The following NTM variants were observed in gnomAD, a reference collection of about 807,000 sequenced individuals.
NTM encodes the protein neurotrimin.
In NTM, 13 loss-of-function variants were observed where a neutral mutation model predicts 42.1. The observed-to-expected ratio is 0.31, with a 90% CI of 0.20 to 0.49. NTM has a LOEUF of 0.49. Among genes scored for constraint, NTM ranks in the 20% least tolerant of loss-of-function variants. NTM has a pLI of 0.99. For synonymous variants in NTM, 187 were observed against 179.2 expected, an observed-to-expected ratio of 1.04 and a Z score of -0.35; for missense variants, 373 against 452.8, an observed-to-expected ratio of 0.82 and a Z score of 1.60.
At chr11:131,918,896 T>C (rs2056816620) in intron 2 of NTM, among the ~76,000 whole-genome samples, 1 of 152,244 alleles carries the variant, frequency 6.6e-6, no homozygotes, top group Non-Finnish European at 1.5e-5. Flanking sequence ...AAGACTCTTA[T>C]TCCAGGTTCT....
In NTM at chr11:131,873,613, GTA is replaced by G. The variant is rs773783694; in HGVS notation, c.83-37942_83-37941del. Among the ~76,000 whole-genome samples, 38 of 34,962 alleles carry G rather than the reference GTA, an allele frequency of 1.1e-3. 2 individuals are homozygous for G. The East Asian group carries it at 0.02, about 19-fold the overall frequency. 22.9% of individuals were successfully genotyped at this position (34,962 alleles called of 152,430 possible). Reference sequence around the variant, plus strand: ...GTATATATATACATATATATATACCGTATATATATACATATATATATACACAT... The same window carrying G: ...GTATATATATACATATATATATACCGTATATATACATATATATATACACAT... On this transcript the variant is annotated intron_variant, in intron 1 of 8. Coordinates refer to ENST00000683400, the MANE Select transcript of NTM (RefSeq NM_001352005.2).
At chr11:131,966,733 C>A (rs1399702495) in intron 2 of NTM, among the ~76,000 whole-genome samples, 1 of 152,098 alleles carries the variant, frequency 6.6e-6, no homozygotes, top group Non-Finnish European at 1.5e-5. Flanking sequence ...GTCTCAGGGA[C>A]CCTCTCACCA....
chr11:132,217,324 A>C (rs1413984546), intron 4 of NTM, among the ~76,000 whole-genome samples: 1 of 140,760 alleles, frequency 7.1e-6, no homozygotes, highest in Non-Finnish European at 1.5e-5. Flanking sequence ...ATTCAGTTCC[A>C]CTCTTGTGCC....
At chr11:132,255,555 C>G (rs998365928) in intron 4 of NTM, among the ~76,000 whole-genome samples, 3 of 152,228 alleles carry the variant, frequency 2.0e-5, no homozygotes, top group Non-Finnish European at 4.4e-5. Context: ...TCTCAATTCA[C>G]CTTTCAGAAT....
At chr11:131,816,788 C>T (rs910481722) in intron 1 of NTM, among the ~76,000 whole-genome samples, 4 of 152,074 alleles carry the variant, frequency 2.6e-5, no homozygotes, top group African/African-American at 9.7e-5. Context: ...ATTTGAGCCT[C>T]CTTTCAGCTT....
intron 1 of NTM, among the ~76,000 whole-genome samples, chr11:131,581,010 T>A (rs1234101213): frequency 1.3e-5 from 2 of 152,214 alleles, no homozygotes; most frequent in East Asian, 1.9e-4. Context: ...AATAAAATTT[T>A]AGGGAATTAT....
At chr11:131,726,315 A>T (rs2078962997) in intron 1 of NTM, among the ~76,000 whole-genome samples, 1 of 152,078 alleles carries the variant, frequency 6.6e-6, no homozygotes, top group Non-Finnish European at 1.5e-5. Context: ...TATTAAGCTT[A>T]AAAAAATGGT....
intron 1 of NTM, among the ~76,000 whole-genome samples, chr11:131,731,033 A>C (rs973893689): frequency 2.0e-5 from 3 of 152,168 alleles, no homozygotes; most frequent in African/African-American, 7.2e-5. Context: ...CTGATGAAAT[A>C]CTTTTAAGTT....
At chr11:131,615,429 A>C (rs1411260248) in intron 1 of NTM, among the ~76,000 whole-genome samples, 1 of 151,852 alleles carries the variant, frequency 6.6e-6, no homozygotes, top group Non-Finnish European at 1.5e-5. Context: ...GCAGTGGTGC[A>C]ATCTCGGTTC....
intron 1 of NTM, among the ~76,000 whole-genome samples, chr11:131,386,319 T>G (rs1217950887): frequency 2.0e-5 from 3 of 151,604 alleles, no homozygotes; most frequent in Non-Finnish European, 4.4e-5. Flanking sequence ...AAACAGGGAG[T>G]GATTTAATGG....
chr11:132,198,601 G>A (rs2080665503), intron 3 of NTM, among the ~76,000 whole-genome samples: 1 of 152,142 alleles, frequency 6.6e-6, no homozygotes, highest in Non-Finnish European at 1.5e-5. Context: ...AAAAACTATG[G>A]CTAGTAGATA....
intron 1 of NTM, among the ~76,000 whole-genome samples, chr11:131,553,745 T>A (rs2055017429): frequency 6.6e-6 from 1 of 152,206 alleles, no homozygotes; most frequent in Admixed American, 6.5e-5. Flanking sequence ...TGCTTCACTG[T>A]TCTCAGAGGG....
At chr11:131,650,361 T>G (rs1371296499) in intron 1 of NTM, among the ~76,000 whole-genome samples, 2 of 152,188 alleles carry the variant, frequency 1.3e-5, no homozygotes, top group African/African-American at 4.8e-5. Flanking sequence ...GGGCCATTGC[T>G]TCTCCTACAT....
chr11:131,859,155 C>T (rs907736303), intron 1 of NTM, among the ~76,000 whole-genome samples: 1 of 152,124 alleles, frequency 6.6e-6, no homozygotes, highest in Non-Finnish European at 1.5e-5. Context: ...AGAGACACAT[C>T]GGGTGTCTTC....
chr11:131,745,134 C>G (rs1054876603), intron 1 of NTM, among the ~76,000 whole-genome samples: 1 of 152,144 alleles, frequency 6.6e-6, no homozygotes, highest in African/African-American at 2.4e-5. Flanking sequence ...GATGGTGCTA[C>G]CAGAAACCAC....
intron 4 of NTM, among the ~76,000 whole-genome samples, chr11:132,225,488 A>T (rs549486196): frequency 5.3e-5 from 8 of 152,218 alleles, no homozygotes; most frequent in African/African-American, 1.9e-4. Flanking sequence ...ATCCAAGGCC[A>T]TGAGTGGGGA....
chr11:132,164,478 T>A (rs2137697999), intron 3 of NTM, among the ~76,000 whole-genome samples: 1 of 152,316 alleles, frequency 6.6e-6, no homozygotes. Context: ...TAGCACACAA[T>A]TAAAGAATAC....
At chr11:131,797,341 G>C (rs1032115814) in intron 1 of NTM, among the ~76,000 whole-genome samples, 1 of 152,166 alleles carries the variant, frequency 6.6e-6, no homozygotes, top group East Asian at 1.9e-4. Context: ...TGTAAGGGGG[G>C]GCAGGATGCA....
intron 1 of NTM, among the ~76,000 whole-genome samples, chr11:131,865,211 C>T (rs1240573428): frequency 6.6e-6 from 1 of 152,242 alleles, no homozygotes; most frequent in Non-Finnish European, 1.5e-5. Flanking sequence ...TACCCCTGAT[C>T]ACATGGCTGA....
Sources: allele counts gnomAD v4.1 joint callset (sites outside exome capture counted in the v4.1 genomes callset), GRCh38; gene constraint gnomAD v4.1.1; transcripts MANE v1.5; gene names NCBI Gene and HGNC (gene_info 2026-07-23, HGNC 2026-07-21).